Variants in NEDD1 observed in about 807,000 individuals in gnomAD.
NEDD1 encodes the protein protein NEDD1.
NEDD1 carries 33 observed loss-of-function variants against 74.0 expected under a neutral mutation model. That is an observed-to-expected ratio of 0.45 (90% CI 0.34 to 0.60). The LOEUF (loss-of-function observed/expected upper bound fraction) is 0.60, where lower values mean the gene tolerates loss of function less well. Ranked by LOEUF, NEDD1 falls within the 20% of genes least tolerant of loss-of-function variation. The probability of loss-of-function intolerance (pLI) is 0.01; values close to 1 mark genes in which losing one functional copy is unlikely to be tolerated. For missense variants in NEDD1, 746 were observed against 776.5 expected (o/e 0.96, Z 0.47); for synonymous variants, 250 against 264.4 (o/e 0.95, Z 0.53).
At chr12:96,950,452 A>G (rs1199323782) in intron 14 of NEDD1, among the ~76,000 whole-genome samples, 4 of 151,982 alleles carry the variant, frequency 2.6e-5, no homozygotes, top group African/African-American at 4.8e-5. Flanking sequence ...GATTGTTTAT[A>G]ACAACGTTGG....
intron 8 of NEDD1, 145 bp from the exon 9 acceptor site, chr12:96,937,053 T>C (rs1371883546): frequency 7.8e-6 from 4 of 514,950 alleles, no homozygotes; most frequent in Non-Finnish European, 1.3e-5. Context: ...CATTTTAATT[T>C]AGAGGGAAAC....
At chr12:96,928,733 C>T (rs1396048387) in intron 6 of NEDD1, among the ~76,000 whole-genome samples, 1 of 133,522 alleles carries the variant, frequency 7.5e-6, no homozygotes, top group Non-Finnish European at 1.5e-5. Context: ...GTCACCCAGG[C>T]TGGAGTGCAG....
At chr12:96,931,937 G>T (rs773947980) in intron 6 of NEDD1, among the ~76,000 whole-genome samples, 1 of 151,966 alleles carries the variant, frequency 6.6e-6, no homozygotes. Context: ...AATTATCTTA[G>T]TAGAGACTGA....
intron 10 of NEDD1, among the ~76,000 whole-genome samples, chr12:96,941,553 G>A (rs1877663054): frequency 6.6e-6 from 1 of 152,102 alleles, no homozygotes; most frequent in African/African-American, 2.4e-5. Flanking sequence ...AGGGACGGAT[G>A]TAGGTGGAGA....
chr12:96,943,472 TG>T (rs1354875297), intron 11 of NEDD1, 87 bp from the exon 12 acceptor site: 1 of 832,456 alleles, frequency 1.2e-6, no homozygotes, highest in African/African-American at 1.7e-5. Context: ...TCTTCTTCCA[TG>T]TTAATCTGCC....
Position 96,930,193 on chromosome 12 carries a change from A to T in NEDD1, c.490-4783A>T, listed in dbSNP as rs866587988. ...CACACACACACACACACACACACAC[A>T]CACACACACACACACACACTCTCTC... On this transcript the variant is annotated intron_variant, in intron 6 of 15. Transcript: ENST00000266742. 3.7e-4 allele frequency among the ~76,000 whole-genome samples: 27 copies of T among 73,894 alleles called. No individual in the cohort carries two copies. The East Asian group carries it at 9.1e-3, about 25-fold the overall frequency. The allele number at this position is 73,894 out of a possible 152,430, so 48.5% of individuals were successfully genotyped here.
intron 2 of NEDD1, among the ~76,000 whole-genome samples, chr12:96,908,950 G>A (rs1025349632): frequency 2.6e-5 from 4 of 152,144 alleles, no homozygotes; most frequent in Non-Finnish European, 5.9e-5. Context: ...GCTGAGGCGG[G>A]CAGATCACCT....
intron 6 of NEDD1, among the ~76,000 whole-genome samples, chr12:96,925,968 T>C (rs552729253): frequency 6.6e-6 from 1 of 152,272 alleles, no homozygotes; most frequent in Non-Finnish European, 1.5e-5. Context: ...CTTGAACAAG[T>C]TACTTAACTC....
chr12:96,940,618 A>G (rs1877573605), intron 10 of NEDD1, 81 bp downstream of exon 10: 5 of 949,190 alleles, frequency 5.3e-6, no homozygotes, highest in Non-Finnish European at 7.8e-6. Flanking sequence ...TAATAGCTTC[A>G]GTCCAACTCT....
At chr12:96,909,966 A>T in intron 3 of NEDD1, 71 bp downstream of exon 3, 2 of 1,531,272 alleles carry the variant, frequency 1.3e-6, no homozygotes, top group South Asian at 2.6e-5. Context: ...ACCACTGTCA[A>T]TGAAACTTTT....
intron 6 of NEDD1, among the ~76,000 whole-genome samples, chr12:96,925,163 A>G (rs1875559936): frequency 6.6e-6 from 1 of 152,180 alleles, no homozygotes; most frequent in South Asian, 2.1e-4. Flanking sequence ...TAAAGGAGAG[A>G]CACCTAAGCC....
intron 3 of NEDD1, among the ~76,000 whole-genome samples, chr12:96,910,824 T>C (rs1021911666): frequency 3.3e-5 from 5 of 152,254 alleles, no homozygotes; most frequent in Non-Finnish European, 7.3e-5. Flanking sequence ...GTGAAACTCA[T>C]ACGCTATTTC....
intron 4 of NEDD1, among the ~76,000 whole-genome samples, chr12:96,915,413 C>T (rs1874335225): frequency 6.6e-6 from 1 of 152,090 alleles, no homozygotes; most frequent in Non-Finnish European, 1.5e-5. Flanking sequence ...TTTAAAGAAT[C>T]TCTTTTGAGC....
rs531932677 is a variant in NEDD1, at chr12:96,936,054, G to C, written c.720-557G>C. 3.9e-5 allele frequency among the ~76,000 whole-genome samples: 6 copies of C among 152,260 alleles called. No homozygotes were observed. In the South Asian group the frequency reaches 1.2e-3, roughly 32 times the overall value. On this transcript the variant is annotated intron_variant, in intron 7 of 15. Coordinates refer to ENST00000266742, the MANE Select transcript of NEDD1 (RefSeq NM_152905.4). ...TTCTTCTTTTCTACTATACACACCA[G>C]TAAAGAGCTCAGCTTCAGCAGATCA...
intron 6 of NEDD1, among the ~76,000 whole-genome samples, chr12:96,933,945 A>G (rs1466183541): frequency 6.6e-6 from 1 of 152,218 alleles, no homozygotes; most frequent in Non-Finnish European, 1.5e-5. Flanking sequence ...ATTCTGGTCC[A>G]TGGAAGCTAG....
intron 14 of NEDD1, 58 bp from the exon 15 acceptor site, chr12:96,951,374 A>G (rs1340713954): frequency 2.2e-6 from 2 of 924,624 alleles, no homozygotes; most frequent in Non-Finnish European, 3.4e-6. Flanking sequence ...AGTTTCTTGA[A>G]TGACCTAGAA....
chr12:96,949,417 A>T (rs35462225), intron 14 of NEDD1, among the ~76,000 whole-genome samples: 55,293 of 151,840 alleles, frequency 0.36, 11,099 homozygotes, highest in Non-Finnish European at 0.42. Context: ...AACATTAAAA[A>T]TTTTTTTTGT....
intron 6 of NEDD1, among the ~76,000 whole-genome samples, chr12:96,928,028 T>G (rs2082368948): frequency 1.3e-5 from 2 of 152,210 alleles, no homozygotes; most frequent in African/African-American, 4.8e-5. Context: ...AATTGACATG[T>G]AGGCATAAAA....
rs908047855 is a variant in NEDD1, at chr12:96,935,070, A to G, written c.584A>G (p.Gln195Arg). 5 of 1,610,928 alleles carry G rather than the reference A, an allele frequency of 3.1e-6. No individual in the cohort carries two copies. The highest frequency in any genetic ancestry group is 4.2e-6 in the Non-Finnish European group (5 of 1,177,192). Residue 195 changes from glutamine to arginine, a missense_variant, in exon 7 of 16, where the codon CAG (glutamine) becomes CGG (arginine). By Grantham distance (43) the Gln-to-Arg change is conservative. Coordinates refer to ENST00000266742, the MANE Select transcript of NEDD1 (RefSeq NM_152905.4). ...GIVTLWDVNS[Q>R]SPYHNFDSVH... The stretch of plus-strand genomic sequence containing the variant: ...GTAACTCTCTGGGATGTAAATAGTC[A>G]GAGTCCATACCATAACTTTGACAGT...
Sources: gnomAD v4.1 joint callset for allele counts (sites outside exome capture counted in the v4.1 genomes callset) on GRCh38, gnomAD v4.1.1 for gene constraint, MANE v1.5 for transcripts, NCBI Gene and HGNC (gene_info 2026-07-23, HGNC 2026-07-21) for gene names.